Variants in CMTM6 observed in about 807,000 individuals in gnomAD.
CMTM6 encodes CKLF-like MARVEL transmembrane domain-containing protein 6.
CMTM6 carries 5 observed loss-of-function variants against 13.6 expected under a neutral mutation model. The observed-to-expected ratio is 0.37, with a 90% CI of 0.19 to 0.77. CMTM6 has a LOEUF of 0.77. Ranked by LOEUF, CMTM6 falls within the 30% of genes least tolerant of loss-of-function variation. The pLI is 0.50. For synonymous variants in CMTM6, 99 were observed against 84.5 expected, an observed-to-expected ratio of 1.17 and a Z score of -0.94; for missense variants, 196 against 218.6, an observed-to-expected ratio of 0.90 and a Z score of 0.65.
chr3:32,490,338 A>G (rs900152035), intron 2 of CMTM6, among the ~76,000 whole-genome samples: 2 of 152,240 alleles, frequency 1.3e-5, no homozygotes, highest in Non-Finnish European at 2.9e-5. Context: ...TGCATGAAAA[A>G]ATATTTAAAA....
chr3:32,488,723 T>C (rs1697226129), intron 2 of CMTM6, among the ~76,000 whole-genome samples: 1 of 152,216 alleles, frequency 6.6e-6, no homozygotes, highest in Non-Finnish European at 1.5e-5. Flanking sequence ...TGAGCTTATA[T>C]GATGAGTTTA....
In CMTM6 at chr3:32,502,575, G is replaced by A. The variant is rs768216145; in HGVS notation, c.138+33C>T. 4.5e-6 allele frequency: 7 copies of A among 1,572,730 alleles called. No homozygotes were observed. In the Admixed American group the frequency reaches 9.2e-5, roughly 21 times the overall value. ...AGCCCGGGCCAGACCCCGCTCCCCAGCCCGGGCTCGCCCTCCCTGACCGCG... is the reference window on the plus strand; with the variant it reads ...AGCCCGGGCCAGACCCCGCTCCCCAACCCGGGCTCGCCCTCCCTGACCGCG... On this transcript the variant is annotated intron_variant, in intron 1 of 3. Coordinates refer to ENST00000205636, the MANE Select transcript of CMTM6 (RefSeq NM_017801.3).
At chr3:32,498,636 G>C (rs569888711) in intron 1 of CMTM6, among the ~76,000 whole-genome samples, 1 of 127,622 alleles carries the variant, frequency 7.8e-6, no homozygotes, top group Non-Finnish European at 1.6e-5. Context: ...GTCTCGCTCT[G>C]TTGCCAGGCT....
intron 1 of CMTM6, 37 bp downstream of exon 1, chr3:32,502,571 C>T: frequency 6.4e-7 from 1 of 1,569,694 alleles, no homozygotes; most frequent in South Asian, 1.2e-5. Context: ...GACCCCGCTC[C>T]CCAGCCCGGG....
chr3:32,496,813 T>C (rs1019272011), intron 1 of CMTM6, among the ~76,000 whole-genome samples: 36 of 152,120 alleles, frequency 2.4e-4, no homozygotes, highest in Admixed American at 3.9e-4. Context: ...AGAATTTGCA[T>C]AGTAAATCCA....
At chr3:32,496,198 CAAAA>C (rs11426299) in intron 1 of CMTM6, among the ~76,000 whole-genome samples, 1 of 78,048 alleles carries the variant, frequency 1.3e-5, no homozygotes, top group Admixed American at 1.5e-4. Context: ...GAGACTATCT[CAAAA>C]AAAAAAAAAA....
At chr3:32,500,221 T>G (rs943833901) in intron 1 of CMTM6, among the ~76,000 whole-genome samples, 7 of 152,218 alleles carry the variant, frequency 4.6e-5, no homozygotes, top group Non-Finnish European at 8.8e-5. Context: ...TTCTGTTTAG[T>G]TTTTTAAAAA....
chr3:32,502,714 G>T lies in CMTM6; in HGVS notation c.32C>A (p.Thr11Lys). MENGAVYSPTTEEDPGPARGP... is the reference protein window; with the variant it reads MENGAVYSPTKEEDPGPARGP... Reference sequence around the variant, plus strand: ...TCTGGCGGGGCCCGGGTCCTCCTCCGTAGTGGGGCTGTACACCGCTCCGTT... The same window carrying T: ...TCTGGCGGGGCCCGGGTCCTCCTCCTTAGTGGGGCTGTACACCGCTCCGTT... The change falls in exon 1 of 4, where the codon ACG (threonine) becomes AAG (lysine). Residue 11 changes from threonine to lysine, a missense_variant. Thr to Lys is a moderately conservative substitution (Grantham distance 78). Transcript: ENST00000205636. The T allele has an allele frequency of 1.3e-6, 2 of 1,578,236 alleles. No homozygotes were observed. Among genetic ancestry groups the T allele is most frequent in the South Asian group, 1.2e-5 (1 of 86,566 alleles).
At chr3:32,502,341 T>G (rs894392879) in intron 1 of CMTM6, among the ~76,000 whole-genome samples, 1 of 152,240 alleles carries the variant, frequency 6.6e-6, no homozygotes, top group African/African-American at 2.4e-5. Flanking sequence ...GACTTGGGTC[T>G]CCGACGCATT....
At chr3:32,496,098 G>A (rs901675285) in intron 1 of CMTM6, among the ~76,000 whole-genome samples, 2 of 151,834 alleles carry the variant, frequency 1.3e-5, no homozygotes, top group Non-Finnish European at 2.9e-5. Flanking sequence ...CTACTTGGGT[G>A]GCTGAAGCAT....
chr3:32,496,898 T>G (rs907227969), intron 1 of CMTM6, among the ~76,000 whole-genome samples: 1 of 152,066 alleles, frequency 6.6e-6, no homozygotes, highest in Non-Finnish European at 1.5e-5. Context: ...GGTGTGGTTG[T>G]GTGATGATCA....
chr3:32,492,022 C>T, intron 1 of CMTM6, 136 bp from the exon 2 acceptor site: 1 of 742,502 alleles, frequency 1.3e-6, no homozygotes, highest in East Asian at 2.7e-5. Flanking sequence ...AATGAATAAA[C>T]CTTATCTACA....
At chr3:32,488,557 G>C (rs1178505637) in intron 2 of CMTM6, among the ~76,000 whole-genome samples, 1 of 152,112 alleles carries the variant, frequency 6.6e-6, no homozygotes, top group Non-Finnish European at 1.5e-5. Flanking sequence ...TGACATCTCT[G>C]AGAGCACTCC....
In CMTM6 at chr3:32,487,974, G is replaced by A. The variant is rs558968197; in HGVS notation, c.378C>T (p.Ser126=). 36 of 1,613,632 alleles carry A rather than the reference G, an allele frequency of 2.2e-5. 1 individual carries two copies. In the South Asian group the frequency reaches 4.0e-4, roughly 18 times the overall value. The change falls in exon 3 of 4, where the codon TCC becomes TCT. Residue 126 remains serine, a synonymous_variant. Coordinates refer to ENST00000205636, the MANE Select transcript of CMTM6 (RefSeq NM_017801.3). ...VFLLASIIFV[S]THDRTSAEIA... is the part of the protein sequence containing the mutation. ...TCTCAGCTGAAGTCCTGTCATGTGT[G>A]GAAACAAAAATGATGGATGCCAACA...
At chr3:32,500,337 T>G (rs1170124629) in intron 1 of CMTM6, among the ~76,000 whole-genome samples, 2 of 152,232 alleles carry the variant, frequency 1.3e-5, no homozygotes, top group African/African-American at 4.8e-5. Context: ...TTTACCGACT[T>G]CATATGTAAC....
At chr3:32,501,965 T>C (rs139297624) in intron 1 of CMTM6, among the ~76,000 whole-genome samples, 2 of 152,364 alleles carry the variant, frequency 1.3e-5, no homozygotes, top group Non-Finnish European at 2.9e-5. Flanking sequence ...AATGGAAAGA[T>C]GCATACCATG....
At chr3:32,485,504 A>ATAAG (rs955909917) in intron 3 of CMTM6, among the ~76,000 whole-genome samples, 9 of 152,160 alleles carry the variant, frequency 5.9e-5, no homozygotes. Flanking sequence ...TTTTATACAA[A>ATAAG]TAAGTAGCCA....
intron 1 of CMTM6, among the ~76,000 whole-genome samples, chr3:32,500,857 G>T (rs953832968): frequency 6.6e-6 from 1 of 152,168 alleles, no homozygotes; most frequent in East Asian, 1.9e-4. Context: ...AGGAGATTTT[G>T]TGGGCAGCAA....
chr3:32,502,538 G>C, intron 1 of CMTM6, 70 bp downstream of exon 1: 3 of 1,529,464 alleles, frequency 2.0e-6, no homozygotes, highest in South Asian at 2.4e-5. Flanking sequence ...GAAGGAGCTC[G>C]GCGGCCTCCC....
Sources: gnomAD v4.1 joint callset for allele counts (sites outside exome capture counted in the v4.1 genomes callset) on GRCh38, gnomAD v4.1.1 for gene constraint, MANE v1.5 for transcripts, NCBI Gene and HGNC (gene_info 2026-07-23, HGNC 2026-07-21) for gene names.